The following KIAA0825 variants were observed in gnomAD, a reference collection of about 807,000 sequenced individuals.
The protein encoded by KIAA0825 is KIAA0825, also known as uncharacterized protein KIAA0825.
KIAA0825 carries 119 observed loss-of-function variants against 147.6 expected under a neutral mutation model. That is an observed-to-expected ratio of 0.81 (90% CI 0.69 to 0.94). The LOEUF (loss-of-function observed/expected upper bound fraction) is 0.94. KIAA0825 is among the 40% of genes least tolerant of loss of function. The pLI is 0.00. For missense variants in KIAA0825, 1,381 were observed against 1,472.7 expected (o/e 0.94, Z 1.02); for synonymous variants, 470 against 518.1 (o/e 0.91, Z 1.26).
At chr5:94,569,352 C>A in intron 2 of KIAA0825, 1 of 368,176 alleles carries the variant, frequency 2.7e-6, no homozygotes, top group Non-Finnish European at 5.1e-6. Context: ...ATGATACACC[C>A]AACCACACCA....
intron 20 of KIAA0825, among the ~76,000 whole-genome samples, chr5:94,383,108 A>G (rs1018277578): frequency 1.3e-5 from 2 of 152,120 alleles, no homozygotes; most frequent in African/African-American, 4.8e-5. Context: ...TTGGGACAGT[A>G]TAGGTGCACA....
chr5:94,295,812 G>A (rs995264710), intron 20 of KIAA0825, among the ~76,000 whole-genome samples: 2 of 152,160 alleles, frequency 1.3e-5, no homozygotes, highest in Non-Finnish European at 2.9e-5. Flanking sequence ...TCCCAGAGGG[G>A]CAACCACCTT....
intron 20 of KIAA0825, among the ~76,000 whole-genome samples, chr5:94,342,488 A>G (rs942436822): frequency 6.6e-6 from 1 of 152,198 alleles, no homozygotes; most frequent in Non-Finnish European, 1.5e-5. Context: ...CAGAGGATTC[A>G]ATTTTAAGGA....
intron 20 of KIAA0825, among the ~76,000 whole-genome samples, chr5:94,217,291 G>C (rs1773292353): frequency 6.6e-6 from 1 of 152,056 alleles, no homozygotes; most frequent in Non-Finnish European, 1.5e-5. Context: ...AAATAGCATA[G>C]TGAAAAAACT....
At chr5:94,388,260 T>G (rs1268984750) in intron 18 of KIAA0825, among the ~76,000 whole-genome samples, 1 of 152,160 alleles carries the variant, frequency 6.6e-6, no homozygotes, top group Non-Finnish European at 1.5e-5. Flanking sequence ...CAGGTGGTAA[T>G]GCACACTATC....
chr5:94,309,323 G>T (rs1379573942), intron 20 of KIAA0825, among the ~76,000 whole-genome samples: 4 of 151,696 alleles, frequency 2.6e-5, no homozygotes, highest in African/African-American at 9.7e-5. Context: ...CAGAGGAGGT[G>T]CTGTGAGAGT....
At chr5:94,249,748 CTA>C (rs1420344885) in intron 20 of KIAA0825, among the ~76,000 whole-genome samples, 3 of 150,314 alleles carry the variant, frequency 2.0e-5, no homozygotes, top group African/African-American at 4.9e-5. Context: ...TTTTGTCACT[CTA>C]TGTGACATCA....
intron 5 of KIAA0825, among the ~76,000 whole-genome samples, chr5:94,494,314 C>CTTCAATCCT (rs1554293193): frequency 7.2e-5 from 8 of 111,864 alleles, no homozygotes; most frequent in African/African-American, 3.1e-4. Flanking sequence ...ATATTCAATC[C>CTTCAATCCT]TTTTTTTTTT....
chr5:94,273,959 TG>T (rs1206582330), intron 20 of KIAA0825, among the ~76,000 whole-genome samples: 3 of 152,176 alleles, frequency 2.0e-5, no homozygotes, highest in African/African-American at 4.8e-5. Flanking sequence ...AATAGAATAT[TG>T]TCCATATGAA....
chr5:94,508,733 A>C (rs1246492580), intron 5 of KIAA0825, among the ~76,000 whole-genome samples: 1 of 152,138 alleles, frequency 6.6e-6, no homozygotes. Flanking sequence ...TATGGATTGC[A>C]CTTATTGCCA....
At position 94,536,221 on chromosome 5, in the gene KIAA0825, GA is replaced by G. The variant is rs142178083; in HGVS notation, c.131+774del. ...TAACTATTCTCACGTAAAGCAGAAGGAAAAATATCATAGGACCATTTCACTT... is the reference window on the plus strand; with the variant it reads ...TAACTATTCTCACGTAAAGCAGAAGGAAAATATCATAGGACCATTTCACTT... On this transcript the variant is annotated intron_variant, in intron 3 of 20. Coordinates refer to ENST00000682413, the MANE Select transcript of KIAA0825 (RefSeq NM_001145678.3). Among the ~76,000 whole-genome samples, 826 of 152,242 alleles carry G rather than the reference GA, an allele frequency of 5.4e-3. 9 individuals are homozygous for G. The highest frequency in any genetic ancestry group is 0.018 in the African/African-American group (757 of 41,554).
chr5:94,526,196 T>G (rs1481269695), intron 3 of KIAA0825, among the ~76,000 whole-genome samples: 2 of 152,034 alleles, frequency 1.3e-5, no homozygotes, highest in African/African-American at 4.8e-5. Flanking sequence ...CAAAATAAAT[T>G]ACAACTTAAT....
intron 20 of KIAA0825, among the ~76,000 whole-genome samples, chr5:94,245,073 TG>T (rs1775536033): frequency 6.6e-6 from 1 of 152,218 alleles, no homozygotes; most frequent in Non-Finnish European, 1.5e-5. Context: ...CATGAAATAC[TG>T]GTATCTTATC....
intron 20 of KIAA0825, among the ~76,000 whole-genome samples, chr5:94,360,188 C>G (rs1174094190): frequency 6.6e-6 from 1 of 152,100 alleles, no homozygotes; most frequent in Non-Finnish European, 1.5e-5. Context: ...CAGGGATGGT[C>G]TATTCCTACT....
chr5:94,323,137 T>C (rs1780354309), intron 20 of KIAA0825, among the ~76,000 whole-genome samples: 1 of 152,016 alleles, frequency 6.6e-6, no homozygotes, highest in African/African-American at 2.4e-5. Context: ...TGAGTCTAAA[T>C]AGAGATACAC....
At chr5:94,581,160 C>A (rs1782096229) in intron 2 of KIAA0825, among the ~76,000 whole-genome samples, 1 of 151,928 alleles carries the variant, frequency 6.6e-6, no homozygotes, top group Non-Finnish European at 1.5e-5. Context: ...TTCTTTATAT[C>A]TATAGAGGTG....
intron 14 of KIAA0825, among the ~76,000 whole-genome samples, chr5:94,417,876 T>A (rs567655289): frequency 6.6e-6 from 1 of 152,316 alleles, no homozygotes; most frequent in South Asian, 2.1e-4. Context: ...GACCTTGTCA[T>A]ATCAGACTGA....
intron 2 of KIAA0825, among the ~76,000 whole-genome samples, chr5:94,563,606 TC>T (rs1485327965): frequency 6.6e-6 from 1 of 152,232 alleles, no homozygotes; most frequent in African/African-American, 2.4e-5. Flanking sequence ...GACAATTGTA[TC>T]TTTGAAGTTT....
At chr5:94,419,272 C>CATA (rs1562479267) in intron 14 of KIAA0825, among the ~76,000 whole-genome samples, 1 of 152,150 alleles carries the variant, frequency 6.6e-6, no homozygotes, top group Non-Finnish European at 1.5e-5. Flanking sequence ...TATAAAATGG[C>CATA]AAATATTCCT....
Sources: allele counts gnomAD v4.1 joint callset (sites outside exome capture counted in the v4.1 genomes callset), GRCh38; gene constraint gnomAD v4.1.1; transcripts MANE v1.5; gene names NCBI Gene and HGNC (gene_info 2026-07-23, HGNC 2026-07-21).